Variants in FTCDNL1 observed in about 807,000 individuals in gnomAD.
FTCDNL1 encodes the protein formiminotransferase cyclodeaminase N-terminal like, also known as formiminotransferase N-terminal subdomain-containing protein.
FTCDNL1 carries 11 observed loss-of-function variants against 5.9 expected under a neutral mutation model. That is an observed-to-expected ratio of 1.87 (90% CI 1.18 to 3.10). The LOEUF is 3.10. FTCDNL1 is among the 30% of genes most tolerant of loss of function. FTCDNL1 has a pLI of 0.00. For synonymous variants in FTCDNL1, 58 were observed against 24.8 expected (o/e 2.34, Z -3.99); for missense variants, 115 against 65.5 (o/e 1.76, Z -2.61).
At chr2:199,668,433 A>G in the FTCDNL1 span, among the ~76,000 whole-genome samples, 1 of 152,172 alleles carries the variant, frequency 6.6e-6, no homozygotes, top group African/African-American at 2.4e-5. Flanking sequence ...AGTAGACTTT[A>G]ATGATGCAAT....
rs531093815 is a variant in FTCDNL1, at chr2:199,811,879, A to G, written c.*826T>C. Among the ~76,000 whole-genome samples, 1 of 152,384 alleles carries G rather than the reference A, an allele frequency of 6.6e-6. No homozygotes were observed. Among genetic ancestry groups the G allele is most frequent in the African/African-American group, 2.4e-5 (1 of 41,592 alleles). On this transcript the variant is annotated 3_prime_UTR_variant, in exon 5 of 5. Transcript: ENST00000420128. ...AAGCCCTAAGGACAAGAGTTCAATA[A>G]AGAACATGACACGTACACTGTTCAG...
At chr2:199,792,085 G>GT (rs1222032474) in intron 3 of FTCDNL1, among the ~76,000 whole-genome samples, 1 of 151,150 alleles carries the variant, frequency 6.6e-6, no homozygotes, top group African/African-American at 2.4e-5. Context: ...AATTTTATGT[G>GT]TAAAAAAAAA....
intron 3 of FTCDNL1, among the ~76,000 whole-genome samples, chr2:199,785,014 TC>T (rs1699563270): frequency 6.6e-6 from 1 of 152,090 alleles, no homozygotes; most frequent in Non-Finnish European, 1.5e-5. Flanking sequence ...TTAATTCTAT[TC>T]CCCTGAAACT....
the FTCDNL1 span, among the ~76,000 whole-genome samples, chr2:199,689,810 T>A: frequency 2.3e-4 from 27 of 116,932 alleles, no homozygotes; most frequent in African/African-American, 4.9e-4. Context: ...AAACTCCGTC[T>A]AAAAAAAAAA....
chr2:199,809,313 A>C lies in FTCDNL1; in HGVS notation c.*3392T>G, dbSNP rs1700901470. On this transcript the variant is annotated 3_prime_UTR_variant, in exon 5 of 5. Transcript: ENST00000420128. ...ACTACATTGACCAAGCTGGTCTCAA[A>C]CTCCTGGGTTCAAGTGATCCTCCTA... Among the ~76,000 whole-genome samples, 1 of 151,630 alleles carries C rather than the reference A, an allele frequency of 6.6e-6. No individual in the cohort carries two copies. The highest frequency in any genetic ancestry group is 2.4e-5 in the African/African-American group (1 of 41,236).
downstream of FTCDNL1, among the ~76,000 whole-genome samples, chr2:199,809,080 CCATACCTAGTCCAT>C (rs1700883821): frequency 6.6e-6 from 1 of 152,142 alleles, no homozygotes; most frequent in Non-Finnish European, 1.5e-5. Context: ...CGTCTAAAAA[CCATACCTAGTCCAT>C]CATCTTTTCC....
chr2:199,823,777 T>C (rs572910958), intron 3 of FTCDNL1, among the ~76,000 whole-genome samples: 4 of 152,310 alleles, frequency 2.6e-5, no homozygotes, highest in Non-Finnish European at 5.9e-5. Flanking sequence ...CTAAAGGCCC[T>C]TGGATTTTCA....
chr2:199,717,913 C>T, the FTCDNL1 span, among the ~76,000 whole-genome samples: 1 of 150,264 alleles, frequency 6.7e-6, no homozygotes, highest in Non-Finnish European at 1.5e-5. Context: ...CTCCAACATG[C>T]TACTTATGGA....
chr2:199,695,345 A>G, the FTCDNL1 span, among the ~76,000 whole-genome samples: 1 of 152,210 alleles, frequency 6.6e-6, no homozygotes, highest in Non-Finnish European at 1.5e-5. Flanking sequence ...TACACTCTGA[A>G]ATCACCATAA....
chr2:199,732,173 C>T, the FTCDNL1 span, among the ~76,000 whole-genome samples: 1 of 152,044 alleles, frequency 6.6e-6, no homozygotes, highest in Non-Finnish European at 1.5e-5. Flanking sequence ...GCCTTTTTTC[C>T]TAGACCTTCT....
the FTCDNL1 span, among the ~76,000 whole-genome samples, chr2:199,708,339 T>C: frequency 6.6e-6 from 1 of 152,118 alleles, no homozygotes; most frequent in Admixed American, 6.6e-5. Context: ...GTTTTAATGT[T>C]CATGTCTGCT....
chr2:199,767,577 G>T (rs1698595667), intron 3 of FTCDNL1, among the ~76,000 whole-genome samples: 3 of 152,340 alleles, frequency 2.0e-5, no homozygotes, highest in Middle Eastern at 3.4e-3. Context: ...ACTTCAGGAG[G>T]TGATTAGGCC....
At chr2:199,682,032 G>GTTAATTTTA in the FTCDNL1 span, among the ~76,000 whole-genome samples, 1 of 152,106 alleles carries the variant, frequency 6.6e-6, no homozygotes, top group Non-Finnish European at 1.5e-5. Flanking sequence ...TTGTTGTTGG[G>GTTAATTTTA]TGTTGTGATG....
At chr2:199,766,122 CT>C (rs369264043) in intron 3 of FTCDNL1, among the ~76,000 whole-genome samples, 3 of 152,182 alleles carry the variant, frequency 2.0e-5, no homozygotes, top group Admixed American at 6.5e-5. Context: ...TGAAAACCTC[CT>C]TAAAATGTCA....
At chr2:199,759,139 G>GTATATA (rs372109443), downstream of FTCDNL1, among the ~76,000 whole-genome samples, 3,006 of 151,104 alleles carry the variant, frequency 0.02, 73 homozygotes, top group East Asian at 0.13. Flanking sequence ...ATATTTGTGT[G>GTATATA]TGTATATATA....
intron 3 of FTCDNL1, among the ~76,000 whole-genome samples, chr2:199,802,523 C>G (rs941910910): frequency 6.6e-6 from 1 of 152,216 alleles, no homozygotes; most frequent in African/African-American, 2.4e-5. Context: ...AGTTCTGGAG[C>G]ACTGGCTGCA....
In FTCDNL1 at chr2:199,812,022, TAAATA is replaced by T. The variant is rs1201570849; in HGVS notation, c.*678_*682del. 4.6e-5 allele frequency among the ~76,000 whole-genome samples: 7 copies of T among 152,250 alleles called. No individual in the cohort carries two copies. The highest frequency in any genetic ancestry group is 3.8e-4 in the East Asian group (2 of 5,202). ...ATCAGAAATAACTTTCATATGCTTT[TAAATA>T]AAATAAGAGGTAATCACTTAACACA... On this transcript the variant is annotated 3_prime_UTR_variant, in exon 5 of 5. Coordinates refer to ENST00000420128, the MANE Select transcript of FTCDNL1 (RefSeq NM_001363886.2).
downstream of FTCDNL1, among the ~76,000 whole-genome samples, chr2:199,757,231 C>A (rs952349465): frequency 3.9e-5 from 6 of 152,066 alleles, no homozygotes; most frequent in Non-Finnish European, 7.4e-5. Flanking sequence ...AATATAAGAA[C>A]CCTTCTAGGA....
At chr2:199,788,591 G>C (rs979112473) in intron 3 of FTCDNL1, among the ~76,000 whole-genome samples, 4 of 151,694 alleles carry the variant, frequency 2.6e-5, no homozygotes, top group Non-Finnish European at 5.9e-5. Flanking sequence ...TACAAAAAAA[G>C]GGCTAAAAAT....
Sources: gnomAD v4.1 joint callset for allele counts (sites outside exome capture counted in the v4.1 genomes callset) on GRCh38, gnomAD v4.1.1 for gene constraint, MANE v1.5 for transcripts, NCBI Gene and HGNC (gene_info 2026-07-23, HGNC 2026-07-21) for gene names.